CATSPERE: variants seen among roughly 807,000 people sequenced by gnomAD.
The protein encoded by CATSPERE is cation channel sperm-associated auxiliary subunit epsilon.
A neutral mutation model predicts 114.1 loss-of-function variants in CATSPERE; 93 were observed. The ratio of observed to expected loss-of-function variants is 0.81; its 90% CI spans 0.69 to 0.97. The LOEUF is 0.97. Ranked by LOEUF, CATSPERE falls within the 50% of genes least tolerant of loss-of-function variation. CATSPERE has a pLI of 0.00. For synonymous variants in CATSPERE, 341 were observed against 384.1 expected (o/e 0.89, Z 1.31); for missense variants, 1,058 against 1,131.6 (o/e 0.93, Z 0.93).
chr1:244,536,403 G>A (rs1036916700), intron 8 of CATSPERE, among the ~76,000 whole-genome samples: 3 of 152,220 alleles, frequency 2.0e-5, no homozygotes, highest in Non-Finnish European at 2.9e-5. Flanking sequence ...ACTTTAGCCT[G>A]TGATGGCAAG....
At chr1:244,508,869 C>A (rs1214242156) in intron 7 of CATSPERE, among the ~76,000 whole-genome samples, 1 of 149,860 alleles carries the variant, frequency 6.7e-6, no homozygotes, top group Non-Finnish European at 1.5e-5. Flanking sequence ...GGCATAGTAG[C>A]ACGTGCCTGT....
rs556381098 is a variant in CATSPERE, at chr1:244,575,903, C to A, written c.1950+3131C>A. ...ATGGGGATTTTTCACCTCTTTTTAA[C>A]CTCTAAGACACCCTAAGAAATACTT... On this transcript the variant is annotated intron_variant, in intron 11 of 21. Transcript: ENST00000366534. The surrounding 1 kb of genome is among the most constrained non-coding windows in gnomAD (Gnocchi z 4.5). Among the ~76,000 whole-genome samples the A allele has an allele frequency of 1.3e-5, 2 of 151,988 alleles. No homozygotes were observed. Among genetic ancestry groups the A allele is most frequent in the East Asian group, 3.9e-4 (2 of 5,150 alleles).
At chr1:244,623,648 C>G (rs550015611) in intron 20 of CATSPERE, among the ~76,000 whole-genome samples, 1 of 152,056 alleles carries the variant, frequency 6.6e-6, no homozygotes, top group East Asian at 1.9e-4. Flanking sequence ...CAAATACAGG[C>G]GCACCCCAGA....
intron 10 of CATSPERE, among the ~76,000 whole-genome samples, chr1:244,570,330 A>C (rs898564508): frequency 1.3e-5 from 2 of 152,142 alleles, no homozygotes; most frequent in East Asian, 3.8e-4. Flanking sequence ...TTTGGCTTGC[A>C]AGAGATTGTG....
rs114536159 is a variant in CATSPERE at position 244,535,552 on chromosome 1, G to A, written c.537-16770G>A. On this transcript the variant is annotated intron_variant, in intron 8 of 21. Coordinates refer to ENST00000366534, the MANE Select transcript of CATSPERE (RefSeq NM_001130957.2). ...CTGTGGCCACCACCACCACAGGCCC[G>A]CAGTGAGTGCTGTCAGGCTACCATT... 5.2e-3 allele frequency among the ~76,000 whole-genome samples: 789 copies of A among 152,266 alleles called. 9 individuals carry two copies. The highest frequency in any genetic ancestry group is 0.018 in the African/African-American group (750 of 41,542).
chr1:244,589,202 T>G (rs1667409508), intron 14 of CATSPERE, among the ~76,000 whole-genome samples: 1 of 152,208 alleles, frequency 6.6e-6, no homozygotes, highest in African/African-American at 2.4e-5. Flanking sequence ...AAATTTATTG[T>G]GATTCCTTTC....
intron 8 of CATSPERE, among the ~76,000 whole-genome samples, chr1:244,531,022 G>C (rs1679496065): frequency 6.6e-6 from 1 of 151,918 alleles, no homozygotes; most frequent in Admixed American, 6.6e-5. Context: ...CAGGTCAGGA[G>C]TTTGAGACCA....
chr1:244,539,699 T>C (rs1658279318), intron 8 of CATSPERE, among the ~76,000 whole-genome samples: 1 of 138,420 alleles, frequency 7.2e-6, no homozygotes, highest in African/African-American at 2.7e-5. Context: ...GGTTTAGTCT[T>C]GGGAGAGTGT....
intron 8 of CATSPERE, among the ~76,000 whole-genome samples, chr1:244,531,006 G>T (rs1229714750): frequency 6.6e-6 from 1 of 151,848 alleles, no homozygotes; most frequent in Non-Finnish European, 1.5e-5. Flanking sequence ...GAGGCAGGCA[G>T]ATCACCAGGT....
intron 7 of CATSPERE, among the ~76,000 whole-genome samples, chr1:244,511,606 C>T (rs1675770329): frequency 6.6e-6 from 1 of 151,992 alleles, no homozygotes. Flanking sequence ...TAACATTTGA[C>T]TCCTTTCTCT....
chr1:244,539,861 T>C (rs1393576989), intron 8 of CATSPERE, among the ~76,000 whole-genome samples: 3 of 148,064 alleles, frequency 2.0e-5, no homozygotes, highest in Admixed American at 6.8e-5. Context: ...GATTCTTCTC[T>C]CTTTTTTTCT....
At chr1:244,581,918 G>T in intron 12 of CATSPERE, 64 bp downstream of exon 12, 3 of 706,760 alleles carry the variant, frequency 4.2e-6, no homozygotes, top group East Asian at 3.3e-5. Context: ...ATTGATTTGT[G>T]GGTGTTCTTT....
rs1195516743 is a variant in CATSPERE, at chr1:244,640,486, G to A, written c.*405G>A. On this transcript the variant is annotated 3_prime_UTR_variant, in exon 22 of 22. Transcript: ENST00000366534. The stretch of plus-strand genomic sequence containing the variant: ...ATTTATATATAAAGGATTTAATAAA[G>A]GTGTGTGGATTTAAATAACCTGCCC... 1 of 149,288 alleles carries A rather than the reference G, an allele frequency of 6.7e-6. No homozygotes were observed. The highest frequency in any genetic ancestry group is 2.0e-4 in the East Asian group (1 of 5,030). 9.2% of individuals were successfully genotyped at this position (149,288 alleles called of 1,614,324 possible).
intron 6 of CATSPERE, among the ~76,000 whole-genome samples, chr1:244,498,479 AAG>A (rs1572415200): frequency 1.3e-5 from 2 of 152,188 alleles, no homozygotes; most frequent in African/African-American, 2.4e-5. Context: ...AAAAATAAGA[AAG>A]AAAATTAGTT....
At chr1:244,502,371 A>G (rs1040091647) in intron 7 of CATSPERE, among the ~76,000 whole-genome samples, 3 of 152,130 alleles carry the variant, frequency 2.0e-5, no homozygotes, top group Admixed American at 2.0e-4. Context: ...TAAACACTAT[A>G]AAGTTGAGTT....
chr1:244,627,807 T>A (rs1673401796), intron 20 of CATSPERE, among the ~76,000 whole-genome samples: 1 of 152,186 alleles, frequency 6.6e-6, no homozygotes, highest in Non-Finnish European at 1.5e-5. Flanking sequence ...TTACTTACAA[T>A]CAACAGTGGT....
chr1:244,485,617 T>A lies in CATSPERE; in HGVS notation c.327-4830T>A, dbSNP rs374298773. ...TAACTTTTTCCATCTTTCTGTCTCG[T>A]TGTGATTCATTCTTGGTTATTTTTT... On this transcript the variant is annotated intron_variant, in intron 5 of 21. Transcript: ENST00000366534. Among the ~76,000 whole-genome samples the A allele has an allele frequency of 1.1e-4, 17 of 152,134 alleles. 1 individual carries two copies. In the East Asian group the frequency reaches 1.2e-3, roughly 10 times the overall value.
intron 11 of CATSPERE, among the ~76,000 whole-genome samples, chr1:244,576,622 A>G (rs1665302835): frequency 6.6e-6 from 1 of 151,986 alleles, no homozygotes; most frequent in Admixed American, 6.5e-5. Flanking sequence ...GTATAAATAT[A>G]CTGTGTATAT....
At position 244,570,677 on chromosome 1, in the gene CATSPERE, TGA is replaced by T. The variant is rs1664302714; in HGVS notation, c.1508-1652_1508-1651del. On this transcript the variant is annotated intron_variant, in intron 10 of 21. Coordinates refer to ENST00000366534, the MANE Select transcript of CATSPERE (RefSeq NM_001130957.2). Reference sequence around the variant, plus strand: ...TTTATAAGGTTTGTAGTCAGCAGTGTGATCAGCAAAAGAGAAGGTGCTATGAA... The same window carrying T: ...TTTATAAGGTTTGTAGTCAGCAGTGTTCAGCAAAAGAGAAGGTGCTATGAA... Among the ~76,000 whole-genome samples the T allele has an allele frequency of 2.6e-5, 4 of 152,322 alleles. No homozygotes were observed. In the South Asian group the frequency reaches 8.3e-4, roughly 32 times the overall value.
Sources: gnomAD v4.1 joint callset for allele counts (sites outside exome capture counted in the v4.1 genomes callset) on GRCh38, gnomAD v4.1.1 for gene constraint, Gnocchi (gnomAD v3.1) non-coding constraint, MANE v1.5 for transcripts, NCBI Gene and HGNC (gene_info 2026-07-23, HGNC 2026-07-21) for gene names.